The following DAPK1 variants were observed in gnomAD, a reference collection of about 807,000 sequenced individuals.
DAPK1 encodes the protein death-associated protein kinase 1.
In DAPK1, 56 loss-of-function variants were observed where a neutral mutation model predicts 144.9. That is an observed-to-expected ratio of 0.39 (90% CI 0.31 to 0.48). The LOEUF (loss-of-function observed/expected upper bound fraction) is 0.48. DAPK1 is among the 20% of genes least tolerant of loss of function. DAPK1 has a pLI of 0.95. For synonymous variants in DAPK1, 690 were observed against 749.0 expected (o/e 0.92, Z 1.29); for missense variants, 1,454 against 1,875.4 (o/e 0.78, Z 4.15).
intron 2 of DAPK1, among the ~76,000 whole-genome samples, chr9:87,500,687 G>A (rs1797740497): frequency 6.6e-6 from 1 of 152,064 alleles, no homozygotes; most frequent in South Asian, 2.1e-4. Context: ...CCTGTGGTTG[G>A]CGAAGGGAGT....
intron 3 of DAPK1, among the ~76,000 whole-genome samples, chr9:87,627,875 G>T (rs533332353): frequency 6.6e-6 from 1 of 152,156 alleles, no homozygotes; most frequent in Non-Finnish European, 1.5e-5. Flanking sequence ...ATATTGCACC[G>T]TTGCCATGTG....
chr9:87,566,780 A>G (rs1452531718), intron 2 of DAPK1, among the ~76,000 whole-genome samples: 1 of 152,216 alleles, frequency 6.6e-6, no homozygotes, highest in African/African-American at 2.4e-5. Context: ...TGGAAGGATG[A>G]AAGGAAAGCA....
intron 19 of DAPK1, among the ~76,000 whole-genome samples, chr9:87,675,848 T>TAC (rs763359644): frequency 0.099 from 11,579 of 117,204 alleles, 626 homozygotes; most frequent in Admixed American, 0.14. Flanking sequence ...CATTCTACCC[T>TAC]ACACACACAC....
intron 25 of DAPK1, among the ~76,000 whole-genome samples, chr9:87,703,841 T>TGCCTGTCCCA (rs1825542986): frequency 6.6e-6 from 1 of 152,244 alleles, no homozygotes. Flanking sequence ...CCTGTTCTAA[T>TGCCTGTCCCA]GGCATCATAT....
chr9:87,512,683 G>A (rs1824893521), intron 2 of DAPK1, among the ~76,000 whole-genome samples: 5 of 151,958 alleles, frequency 3.3e-5, no homozygotes, highest in Middle Eastern at 3.4e-3. Context: ...TTGCCCTGTC[G>A]CCCAGGCTGG....
intron 2 of DAPK1, among the ~76,000 whole-genome samples, chr9:87,583,020 G>T (rs1376980325): frequency 1.3e-5 from 2 of 151,964 alleles, no homozygotes; most frequent in Non-Finnish European, 2.9e-5. Context: ...TGCGATCTCG[G>T]GATTTGTCTT....
chr9:87,605,215 G>T (rs1828672026), intron 3 of DAPK1, 40 bp downstream of exon 3: 1 of 1,547,826 alleles, frequency 6.5e-7, no homozygotes, highest in Non-Finnish European at 8.9e-7. Context: ...AGGGTGTGGT[G>T]GGCGTCAGCT....
chr9:87,633,097 G>T, intron 3 of DAPK1: 1 of 979,558 alleles, frequency 1.0e-6, no homozygotes, highest in Non-Finnish European at 1.2e-6. Flanking sequence ...GAATGAAGGA[G>T]GATGAGTACA....
At chr9:87,551,182 C>G (rs1022266519) in intron 2 of DAPK1, among the ~76,000 whole-genome samples, 3 of 150,620 alleles carry the variant, frequency 2.0e-5, no homozygotes, top group Admixed American at 2.0e-4. Flanking sequence ...GAGTCTCGCT[C>G]TGTCGCCCAG....
In DAPK1 at chr9:87,542,310, T is replaced by C. The variant is rs557506768; in HGVS notation, c.62+43171T>C. On this transcript the variant is annotated intron_variant, in intron 2 of 25. Transcript: ENST00000408954. ...GTTTAGCACTGCTTCTTATAGATCA[T>C]CTCTGAATCATCACAACATCCCTAA... Among the ~76,000 whole-genome samples the C allele has an allele frequency of 2.4e-4, 37 of 152,340 alleles. 1 individual carries two copies. In the South Asian group the frequency reaches 7.5e-3, roughly 31 times the overall value.
chr9:87,643,595 C>A, intron 11 of DAPK1, 127 bp downstream of exon 11: 2 of 652,026 alleles, frequency 3.1e-6, no homozygotes, highest in East Asian at 2.7e-5. Flanking sequence ...TTCTTGATCC[C>A]CTCGGAGGGG....
At chr9:87,702,887 ACGT>A in intron 24 of DAPK1, 139 bp from the exon 25 acceptor site, 4 of 601,010 alleles carry the variant, frequency 6.7e-6, no homozygotes, top group Non-Finnish European at 1.2e-5. Context: ...AGAAAAAAAA[ACGT>A]CAACAACAAC....
chr9:87,688,519 T>C (rs1265872584), intron 21 of DAPK1, among the ~76,000 whole-genome samples: 1 of 152,230 alleles, frequency 6.6e-6, no homozygotes, highest in East Asian at 1.9e-4. Flanking sequence ...CAAACTTCTT[T>C]CCACAGTGGC....
chr9:87,683,086 T>TTTA (rs1554704274), intron 20 of DAPK1, among the ~76,000 whole-genome samples: 2 of 89,782 alleles, frequency 2.2e-5, no homozygotes, highest in African/African-American at 8.8e-5. Context: ...ATTTTATTTA[T>TTTA]TTTTTTTTTT....
intron 19 of DAPK1, among the ~76,000 whole-genome samples, chr9:87,680,291 A>T (rs1288957855): frequency 6.6e-6 from 1 of 151,998 alleles, no homozygotes. Flanking sequence ...TTTTCGGTAG[A>T]GACGGGGTTT....
chr9:87,547,386 A>G (rs1826288280), intron 2 of DAPK1, among the ~76,000 whole-genome samples: 1 of 152,194 alleles, frequency 6.6e-6, no homozygotes, highest in African/African-American at 2.4e-5. Context: ...AGTGGTGGAC[A>G]TGTTCTGTAT....
intron 17 of DAPK1, chr9:87,657,795 A>T: frequency 1.9e-6 from 1 of 528,854 alleles, no homozygotes; most frequent in Non-Finnish European, 3.4e-6. Context: ...CAGGAAACTT[A>T]CTTAAGTTAT....
chr9:87,562,427 G>T (rs11141889), intron 2 of DAPK1, among the ~76,000 whole-genome samples: 35,350 of 152,040 alleles, frequency 0.23, 4,639 homozygotes, highest in Non-Finnish European at 0.31. Context: ...TGAGGCTTTC[G>T]TCGGGAACCA....
chr9:87,655,831 C>T (rs1322348479), intron 17 of DAPK1, among the ~76,000 whole-genome samples: 1 of 152,204 alleles, frequency 6.6e-6, no homozygotes, highest in Non-Finnish European at 1.5e-5. Context: ...TAAGGACAGA[C>T]AGAAGGCACG....
Sources: gnomAD v4.1 joint callset for allele counts (sites outside exome capture counted in the v4.1 genomes callset) on GRCh38, gnomAD v4.1.1 for gene constraint, MANE v1.5 for transcripts, NCBI Gene and HGNC (gene_info 2026-07-23, HGNC 2026-07-21) for gene names.